The following SLC26A11 variants were observed in gnomAD, a reference collection of about 807,000 sequenced individuals.
SLC26A11 encodes sodium-independent sulfate anion transporter.
In SLC26A11, 58 loss-of-function variants were observed where a neutral mutation model predicts 62.2. The ratio of observed to expected loss-of-function variants is 0.93; its 90% CI spans 0.76 to 1.16. The LOEUF (loss-of-function observed/expected upper bound fraction) is 1.16, where lower values mean the gene tolerates loss of function less well. Ranked by LOEUF, SLC26A11 falls within the 50% of genes most tolerant of loss-of-function variation. The probability of loss-of-function intolerance (pLI) is 0.00; values close to 1 mark genes in which losing one functional copy is unlikely to be tolerated. For missense variants in SLC26A11, 790 were observed against 794.3 expected (o/e 0.99, Z 0.06); for synonymous variants, 411 against 368.9 (o/e 1.11, Z -1.31).
Position 80,221,766 on chromosome 17 carries a change from A to C in SLC26A11, c.206A>C (p.Tyr69Ser), listed in dbSNP as rs1156478178. 1 of 1,612,676 alleles carries C rather than the reference A, an allele frequency of 6.2e-7. No homozygotes were observed. The highest frequency in any genetic ancestry group is 8.5e-7 in the Non-Finnish European group (1 of 1,179,988). Reference sequence around the variant, plus strand: ...ACTGCCATTCCCCAGGCGCTGGCCTATGCTGAAGTGGCTGGACTCCCGCCC... The same window carrying C: ...ACTGCCATTCCCCAGGCGCTGGCCTCTGCTGAAGTGGCTGGACTCCCGCCC... ...GLTAIPQALA[Y>S]AEVAGLPPQY... Residue 69 changes from tyrosine to serine, a missense_variant, in exon 3 of 18, where the codon TAT (tyrosine) becomes TCT (serine). By Grantham distance (144) the Tyr-to-Ser change is moderately radical (BLOSUM62 -2). Coordinates refer to ENST00000361193, the MANE Select transcript of SLC26A11 (RefSeq NM_001166347.2).
Position 80,223,212 on chromosome 17 carries a change from G to A in SLC26A11, c.428-40G>A, listed in dbSNP as rs750974075. On this transcript the variant is annotated intron_variant, in intron 4 of 17. Coordinates refer to ENST00000361193, the MANE Select transcript of SLC26A11 (RefSeq NM_001166347.2). This position sits in a 1 kb window ranked among gnomAD's most constrained non-coding sequence, Gnocchi z 4.6. ...CTCCCCTCATCCTCTGGGACTGGGTGGAGCCGGGACCAGCTCGATGTCCCC... is the reference window on the plus strand; with the variant it reads ...CTCCCCTCATCCTCTGGGACTGGGTAGAGCCGGGACCAGCTCGATGTCCCC... The A allele has an allele frequency of 6.3e-7, 1 of 1,575,572 alleles. No homozygotes were observed. The highest frequency in any genetic ancestry group is 8.7e-7 in the Non-Finnish European group (1 of 1,145,650).
At chr17:80,237,669 C>A in intron 9 of SLC26A11, 75 bp downstream of exon 9, 1 of 1,413,974 alleles carries the variant, frequency 7.1e-7, no homozygotes, top group South Asian at 1.2e-5. Flanking sequence ...TTCTAGCTTG[C>A]CTTTATCCGT....
chr17:80,222,919 CCCCGTGTGCG>C lies in SLC26A11; in HGVS notation c.427+73_427+82del. On this transcript the variant is annotated intron_variant, in intron 4 of 17. Coordinates refer to ENST00000361193, the MANE Select transcript of SLC26A11 (RefSeq NM_001166347.2). This position sits in a 1 kb window ranked among gnomAD's most constrained non-coding sequence, Gnocchi z 4.7. ...TTGCTTGTTTGCATTTCAAGTCTAT[CCCCGTGTGCG>C]TGTGTGTGCGTGTTGGGGTGTGGGT... 1 of 1,520,180 alleles carries C rather than the reference CCCCGTGTGCG, an allele frequency of 6.6e-7. No individual in the cohort carries two copies. Among genetic ancestry groups the C allele is most frequent in the Non-Finnish European group, 8.9e-7 (1 of 1,117,698 alleles). The allele number at this position is 1,520,180 out of a possible 1,614,324, so 94.2% of individuals were successfully genotyped here.
rs61009710 is a variant in SLC26A11, at chr17:80,222,375, C to CAAAA, written c.235-268_235-265dup. 15 of 245,066 alleles carry CAAAA rather than the reference C, an allele frequency of 6.1e-5. No homozygotes were observed. Among genetic ancestry groups the CAAAA allele is most frequent in the East Asian group, 1.6e-4 (2 of 12,548 alleles). The allele number at this position is 245,066 out of a possible 1,614,324, so 15.2% of individuals were successfully genotyped here. A position where few individuals can be genotyped will look rare whatever the true frequency, so the allele number is the denominator to read the frequency against. On this transcript the variant is annotated intron_variant, in intron 3 of 17. Transcript: ENST00000361193. The surrounding 1 kb of genome is among the most constrained non-coding windows in gnomAD (Gnocchi z 4.7). Reference sequence around the variant, plus strand: ...TGGGCGACAGAGCGAGACTCCATCTCAAAAAAAAAAAAAAAGAATGCTTCC... The same window carrying CAAAA: ...TGGGCGACAGAGCGAGACTCCATCTCAAAAAAAAAAAAAAAAAAAGAATGCTTCC...
chr17:80,234,876 G>GT (rs1156783994), intron 7 of SLC26A11, among the ~76,000 whole-genome samples: 26 of 146,714 alleles, frequency 1.8e-4, no homozygotes, highest in Admixed American at 8.2e-4. Flanking sequence ...TTAAGATGGA[G>GT]TTTCGCTCTG....
chr17:80,243,325 C>T (rs532853590), intron 10 of SLC26A11, among the ~76,000 whole-genome samples: 36 of 152,316 alleles, frequency 2.4e-4, no homozygotes, highest in Admixed American at 1.4e-3. Flanking sequence ...AATCCACGGC[C>T]TCCTCAAAGA....
intron 8 of SLC26A11, 176 bp downstream of exon 8, chr17:80,237,279 G>A (rs1370939433): frequency 5.8e-6 from 5 of 856,118 alleles, no homozygotes; most frequent in South Asian, 1.8e-5. Flanking sequence ...CAAACTCAGC[G>A]AGCTCAGGGA....
chr17:80,244,120 G>C (rs1161498717), intron 10 of SLC26A11, among the ~76,000 whole-genome samples: 1 of 152,226 alleles, frequency 6.6e-6, no homozygotes, highest in Non-Finnish European at 1.5e-5. Flanking sequence ...TTGAGAGCAG[G>C]CCCTGCACCT....
intron 10 of SLC26A11, among the ~76,000 whole-genome samples, chr17:80,242,252 C>T (rs914706379): frequency 6.6e-6 from 1 of 152,230 alleles, no homozygotes; most frequent in African/African-American, 2.4e-5. Flanking sequence ...GCTGAGGTTA[C>T]AGGCATGAGC....
intron 16 of SLC26A11, among the ~76,000 whole-genome samples, chr17:80,250,907 G>A (rs2043139011): frequency 2.0e-5 from 3 of 152,150 alleles, no homozygotes; most frequent in Admixed American, 6.5e-5. Context: ...TTGGGAGGCC[G>A]AGGTAGGAGG....
intron 5 of SLC26A11, among the ~76,000 whole-genome samples, chr17:80,224,221 G>A (rs1227020313): frequency 6.6e-6 from 1 of 151,394 alleles, no homozygotes; most frequent in African/African-American, 2.4e-5. Context: ...ATGAGTGAGT[G>A]TGTGAGAGTG....
intron 6 of SLC26A11, among the ~76,000 whole-genome samples, chr17:80,226,552 T>G (rs1359068572): frequency 4.6e-5 from 7 of 152,028 alleles, no homozygotes; most frequent in African/African-American, 1.7e-4. Context: ...AATACAAAAA[T>G]TAGTCGGGTG....
intron 7 of SLC26A11, among the ~76,000 whole-genome samples, chr17:80,233,157 G>A (rs1332052668): frequency 2.6e-5 from 4 of 152,018 alleles, no homozygotes; most frequent in Non-Finnish European, 5.9e-5. Flanking sequence ...GCTGAGGTGG[G>A]AGGATTGCTT....
chr17:80,236,067 C>A (rs2042681646), intron 7 of SLC26A11, among the ~76,000 whole-genome samples: 1 of 152,170 alleles, frequency 6.6e-6, no homozygotes, highest in Non-Finnish European at 1.5e-5. Context: ...CAACCCCAGG[C>A]CTTGGGCTAA....
rs753576667 is a variant in SLC26A11, at chr17:80,222,823, C to A, written c.403C>A (p.Leu135Met). The change falls in exon 4 of 18, where the codon CTG (leucine) becomes ATG (methionine). Residue 135 changes from leucine (L) to methionine (M), a missense_variant. Leu to Met is a conservative substitution (Grantham distance 15). Transcript: ENST00000361193. This position sits in a 1 kb window ranked among gnomAD's most constrained non-coding sequence, Gnocchi z 4.7. ...LLAFLSGCIQ[L>M]AMGVLRLGFL... ...GGCCTTCCTGTCCGGCTGCATCCAGCTGGCCATGGGGGTCCTGCGTTTGGG... is the reference window on the plus strand; with the variant it reads ...GGCCTTCCTGTCCGGCTGCATCCAGATGGCCATGGGGGTCCTGCGTTTGGG... 3 of 1,614,034 alleles carry A rather than the reference C, an allele frequency of 1.9e-6. No individual in the cohort carries two copies. In the Admixed American group the frequency reaches 5.0e-5, roughly 27 times the overall value.
chr17:80,247,518 C>G (rs2043039945), intron 13 of SLC26A11, among the ~76,000 whole-genome samples: 1 of 152,234 alleles, frequency 6.6e-6, no homozygotes, highest in Non-Finnish European at 1.5e-5. Flanking sequence ...GTTCACCTAG[C>G]TTACTTGGCA....
At chr17:80,249,130 C>A (rs373287025) in intron 15 of SLC26A11, 24 bp from the exon 16 acceptor site, 2 of 1,598,980 alleles carry the variant, frequency 1.3e-6, no homozygotes, top group Non-Finnish European at 1.7e-6. Context: ...GGTGGCGTGA[C>A]CTGGCTCGGG....
In SLC26A11 at chr17:80,228,343, T is replaced by C. The variant is rs1025931335; in HGVS notation, c.736+383T>C. ...AGACGGGGTTTCACCATGTTGACCA[T>C]ACTGGTCTCAAACTCCTGACCTCGA... On this transcript the variant is annotated intron_variant, in intron 7 of 17. Coordinates refer to ENST00000361193, the MANE Select transcript of SLC26A11 (RefSeq NM_001166347.2). The surrounding 1 kb of genome is among the most constrained non-coding windows in gnomAD (Gnocchi z 4.1). Among the ~76,000 whole-genome samples, 3 of 152,080 alleles carry C rather than the reference T, an allele frequency of 2.0e-5. No homozygotes were observed. Among genetic ancestry groups the C allele is most frequent in the African/African-American group, 7.2e-5 (3 of 41,420 alleles).
chr17:80,243,672 C>T (rs1009544386), intron 10 of SLC26A11, among the ~76,000 whole-genome samples: 2 of 152,260 alleles, frequency 1.3e-5, no homozygotes, highest in African/African-American at 4.8e-5. Context: ...GCTAGGATTA[C>T]AGGCCTGAGC....
Sources: gnomAD v4.1 joint callset for allele counts (sites outside exome capture counted in the v4.1 genomes callset) on GRCh38, gnomAD v4.1.1 for gene constraint, Gnocchi (gnomAD v3.1) non-coding constraint, MANE v1.5 for transcripts, NCBI Gene and HGNC (gene_info 2026-07-23, HGNC 2026-07-21) for gene names.